The following DGKI variants were observed in gnomAD, a reference collection of about 807,000 sequenced individuals.
DGKI encodes DAG kinase iota.
Under a neutral mutation model 147.5 loss-of-function variants are expected in DGKI, and 55 were observed. The observed-to-expected ratio is 0.37, with a 90% CI of 0.30 to 0.47. The LOEUF is 0.47. Ranked by LOEUF, DGKI falls within the 20% of genes least tolerant of loss-of-function variation. DGKI has a pLI of 1.00. For synonymous variants in DGKI, 469 were observed against 477.1 expected, an observed-to-expected ratio of 0.98 and a Z score of 0.22; for missense variants, 1,007 against 1,323.8, an observed-to-expected ratio of 0.76 and a Z score of 3.71.
At chr7:137,399,859 A>G (rs1731945) in intron 30 of DGKI, among the ~76,000 whole-genome samples, 150,646 of 151,340 alleles carry the variant, frequency 1, 74,982 homozygotes, top group Non-Finnish European at 1. Flanking sequence ...GCAGTGAGCC[A>G]AGATTGTGCT....
intron 1 of DGKI, among the ~76,000 whole-genome samples, chr7:137,719,266 G>A (rs577876615): frequency 6.6e-6 from 1 of 152,192 alleles, no homozygotes; most frequent in South Asian, 2.1e-4. Flanking sequence ...CCCCTCCACA[G>A]CAGGAATCTT....
At chr7:137,629,514 T>C (rs1187306570) in intron 6 of DGKI, among the ~76,000 whole-genome samples, 2 of 152,244 alleles carry the variant, frequency 1.3e-5, no homozygotes, top group Non-Finnish European at 2.9e-5. Flanking sequence ...ACTGTGATGT[T>C]TGGGCATTCC....
intron 24 of DGKI, among the ~76,000 whole-genome samples, chr7:137,468,643 C>T (rs1814754373): frequency 6.6e-6 from 1 of 152,168 alleles, no homozygotes; most frequent in Non-Finnish European, 1.5e-5. Context: ...GTTCTGTGAT[C>T]TGGCACCAAA....
chr7:137,521,995 A>G (rs771062654), intron 20 of DGKI, 29 bp from the exon 21 acceptor site: 1 of 1,557,374 alleles, frequency 6.4e-7, no homozygotes, highest in Non-Finnish European at 8.8e-7. Flanking sequence ...GTGGTCAGAT[A>G]CAAATGAGAG....
intron 28 of DGKI, among the ~76,000 whole-genome samples, chr7:137,425,630 C>A (rs1315709777): frequency 6.6e-6 from 1 of 152,098 alleles, no homozygotes; most frequent in East Asian, 1.9e-4. Flanking sequence ...AAACCAAAGG[C>A]AAACAAGTTA....
intron 1 of DGKI, among the ~76,000 whole-genome samples, chr7:137,712,856 C>G (rs1794256569): frequency 1.3e-5 from 2 of 152,156 alleles, no homozygotes; most frequent in Non-Finnish European, 2.9e-5. Context: ...CCAAGTAATT[C>G]CAAAGAATAA....
chr7:137,789,730 A>G (rs1451173900), intron 1 of DGKI, among the ~76,000 whole-genome samples: 1 of 152,202 alleles, frequency 6.6e-6, no homozygotes, highest in Non-Finnish European at 1.5e-5. Context: ...GAGAAGCGCA[A>G]TTCTGTATTT....
chr7:137,446,555 G>A (rs562485415), intron 27 of DGKI, among the ~76,000 whole-genome samples: 6 of 152,190 alleles, frequency 3.9e-5, no homozygotes, highest in Admixed American at 6.5e-5. Context: ...GTGAAACCCC[G>A]TCTCTACTGA....
chr7:137,723,024 G>A (rs1794614032), intron 1 of DGKI, among the ~76,000 whole-genome samples: 1 of 152,090 alleles, frequency 6.6e-6, no homozygotes, highest in South Asian at 2.1e-4. Flanking sequence ...CTGTAAAATG[G>A]GACTAATTAT....
chr7:137,768,377 T>G (rs757300391), intron 1 of DGKI, among the ~76,000 whole-genome samples: 2 of 151,472 alleles, frequency 1.3e-5, no homozygotes, highest in African/African-American at 2.4e-5. Flanking sequence ...GGGGAGGGAG[T>G]GAGGCATAAC....
chr7:137,607,664 T>C (rs189208794), intron 10 of DGKI, among the ~76,000 whole-genome samples: 3 of 152,190 alleles, frequency 2.0e-5, no homozygotes, highest in Non-Finnish European at 4.4e-5. Flanking sequence ...TACATTTCCA[T>C]GTTTCAGGGT....
At chr7:137,828,260 A>G (rs1798117707) in intron 1 of DGKI, among the ~76,000 whole-genome samples, 1 of 152,238 alleles carries the variant, frequency 6.6e-6, no homozygotes, top group Non-Finnish European at 1.5e-5. Flanking sequence ...TAAGGTAAAA[A>G]TCATTTATTA....
At chr7:137,567,277 A>AAAG (rs1230021440) in intron 19 of DGKI, among the ~76,000 whole-genome samples, 1 of 151,932 alleles carries the variant, frequency 6.6e-6, no homozygotes, top group African/African-American at 2.4e-5. Flanking sequence ...AAAAAAAAAA[A>AAAG]AGAGAATTAG....
chr7:137,667,303 T>C (rs140004972), intron 3 of DGKI, among the ~76,000 whole-genome samples: 178 of 152,162 alleles, frequency 1.2e-3, no homozygotes, highest in Middle Eastern at 3.4e-3. Context: ...ATTCACAAAT[T>C]TCAAGCAGAC....
At chr7:137,785,182 C>T (rs557233414) in intron 1 of DGKI, among the ~76,000 whole-genome samples, 2 of 151,808 alleles carry the variant, frequency 1.3e-5, no homozygotes, top group South Asian at 4.2e-4. Flanking sequence ...ATAGATTAAA[C>T]AAAAAGCTGG....
At chr7:137,738,331 C>T (rs187666912) in intron 1 of DGKI, among the ~76,000 whole-genome samples, 1 of 152,074 alleles carries the variant, frequency 6.6e-6, no homozygotes, top group African/African-American at 2.4e-5. Flanking sequence ...AAATACATAC[C>T]TCTACACAAT....
intron 1 of DGKI, among the ~76,000 whole-genome samples, chr7:137,755,860 A>G (rs1328648963): frequency 6.6e-6 from 1 of 152,182 alleles, no homozygotes; most frequent in African/African-American, 2.4e-5. Context: ...TGGCATCCAC[A>G]AGCCAAAGAG....
chr7:137,570,498 T>C (rs1463806731), intron 19 of DGKI, among the ~76,000 whole-genome samples: 1 of 152,186 alleles, frequency 6.6e-6, no homozygotes, highest in African/African-American at 2.4e-5. Context: ...GTTGCTACTG[T>C]CTCTTTTTTA....
At chr7:137,613,775 G>C (rs1305639049) in intron 8 of DGKI, among the ~76,000 whole-genome samples, 2 of 152,106 alleles carry the variant, frequency 1.3e-5, no homozygotes, top group African/African-American at 4.8e-5. Context: ...TAAAAAATGA[G>C]TTAAGTCTAC....
Sources: gnomAD v4.1 joint callset for allele counts (sites outside exome capture counted in the v4.1 genomes callset) on GRCh38, gnomAD v4.1.1 for gene constraint, MANE v1.5 for transcripts, NCBI Gene and HGNC (gene_info 2026-07-23, HGNC 2026-07-21) for gene names.